The following DGKB variants were observed in gnomAD, a reference collection of about 807,000 sequenced individuals.
The protein encoded by DGKB is 90 kDa diacylglycerol kinase.
DGKB carries 67 observed loss-of-function variants against 114.3 expected under a neutral mutation model. The ratio of observed to expected loss-of-function variants is 0.59; its 90% CI spans 0.48 to 0.72. The LOEUF is 0.72. Among genes scored for constraint, DGKB ranks in the 30% least tolerant of loss-of-function variants. DGKB has a pLI of 0.00. For synonymous variants in DGKB, 398 were observed against 323.1 expected (o/e 1.23, Z -2.49); for missense variants, 907 against 975.2 (o/e 0.93, Z 0.93).
chr7:14,840,203 G>A (rs534885290), intron 2 of DGKB, among the ~76,000 whole-genome samples: 65 of 152,076 alleles, frequency 4.3e-4, no homozygotes, highest in African/African-American at 1.1e-3. Flanking sequence ...TTTTTACCTC[G>A]TTCACTATCA....
chr7:14,427,036 G>A (rs1461692957), intron 21 of DGKB, among the ~76,000 whole-genome samples: 1 of 151,948 alleles, frequency 6.6e-6, no homozygotes, highest in Non-Finnish European at 1.5e-5. Context: ...CTCCAGCCTG[G>A]GTGACAGAGT....
At chr7:14,313,431 C>G (rs553300414) in intron 23 of DGKB, among the ~76,000 whole-genome samples, 1 of 151,824 alleles carries the variant, frequency 6.6e-6, no homozygotes, top group Non-Finnish European at 1.5e-5. Flanking sequence ...GTGCGCGAGC[C>G]GAAGCAGGGC....
At chr7:14,832,439 C>T (rs1038567320) in intron 2 of DGKB, among the ~76,000 whole-genome samples, 5 of 151,942 alleles carry the variant, frequency 3.3e-5, no homozygotes, top group African/African-American at 1.2e-4. Context: ...ACTTTGTTTT[C>T]ATGGTGAAAT....
chr7:14,700,027 A>G (rs978929152), intron 7 of DGKB, among the ~76,000 whole-genome samples: 2 of 152,098 alleles, frequency 1.3e-5, no homozygotes, highest in African/African-American at 2.4e-5. Context: ...ACTCTCCTTG[A>G]AAATAGAATT....
At chr7:14,776,580 C>T (rs4721369) in intron 2 of DGKB, among the ~76,000 whole-genome samples, 33,213 of 152,240 alleles carry the variant, frequency 0.22, 4,682 homozygotes, top group Non-Finnish European at 0.31. Flanking sequence ...GGTGCAAGCC[C>T]GAAGCCTTGT....
chr7:14,889,058 T>C (rs184506729), intron 1 of DGKB, among the ~76,000 whole-genome samples: 150 of 151,796 alleles, frequency 9.9e-4, no homozygotes, highest in Admixed American at 1.6e-3. Flanking sequence ...CAAAAGACTC[T>C]ACGCTGGTCA....
At chr7:14,970,540 A>G (rs757975577) in intron 1 of DGKB, among the ~76,000 whole-genome samples, 5 of 152,170 alleles carry the variant, frequency 3.3e-5, no homozygotes, top group African/African-American at 7.2e-5. Flanking sequence ...TGAGTTGCTC[A>G]TAGGAAAAAT....
chr7:14,625,638 G>C (rs530909139), intron 14 of DGKB, among the ~76,000 whole-genome samples: 36 of 151,996 alleles, frequency 2.4e-4, no homozygotes, highest in African/African-American at 8.7e-4. Flanking sequence ...AAGTTTTGGG[G>C]CTCTAAACCA....
chr7:14,875,120 G>A (rs1351443211), intron 1 of DGKB, among the ~76,000 whole-genome samples: 1 of 151,944 alleles, frequency 6.6e-6, no homozygotes, highest in Admixed American at 6.6e-5. Flanking sequence ...GAAAGCCATA[G>A]GGAGAATACC....
At chr7:14,542,991 T>A (rs1793711747) in intron 20 of DGKB, among the ~76,000 whole-genome samples, 1 of 152,198 alleles carries the variant, frequency 6.6e-6, no homozygotes, top group African/African-American at 2.4e-5. Context: ...GATATGGATA[T>A]GTCAGTGTGT....
chr7:14,306,348 G>A (rs118032570), intron 23 of DGKB, among the ~76,000 whole-genome samples: 1 of 152,114 alleles, frequency 6.6e-6, no homozygotes. Flanking sequence ...AAGCAGGTAA[G>A]TTAGGAGAGG....
intron 23 of DGKB, among the ~76,000 whole-genome samples, chr7:14,296,813 G>C (rs1417773891): frequency 7.0e-6 from 1 of 143,384 alleles, no homozygotes; most frequent in East Asian, 2.0e-4. Context: ...CACTAGCCAG[G>C]CTAATAAAGA....
chr7:14,412,201 T>A (rs1246695726), intron 21 of DGKB, among the ~76,000 whole-genome samples: 1 of 152,174 alleles, frequency 6.6e-6, no homozygotes, highest in African/African-American at 2.4e-5. Flanking sequence ...GAATTGCTGC[T>A]ATAAAGCAGA....
At chr7:14,679,211 A>G (rs1585591172) in intron 12 of DGKB, among the ~76,000 whole-genome samples, 1 of 150,970 alleles carries the variant, frequency 6.6e-6, no homozygotes, top group African/African-American at 2.5e-5. Flanking sequence ...GTTTATGTGC[A>G]CCCAAATGTA....
intron 9 of DGKB, among the ~76,000 whole-genome samples, chr7:14,685,942 A>G (rs1821605809): frequency 6.6e-6 from 1 of 152,188 alleles, no homozygotes; most frequent in African/African-American, 2.4e-5. Context: ...ATTCCAATTT[A>G]TATTAATACA....
At chr7:14,399,696 C>T (rs969025494) in intron 21 of DGKB, among the ~76,000 whole-genome samples, 5 of 151,800 alleles carry the variant, frequency 3.3e-5, no homozygotes, top group African/African-American at 1.2e-4. Context: ...TTGAGAAAGA[C>T]TATGGGATGA....
intron 1 of DGKB, among the ~76,000 whole-genome samples, chr7:14,868,535 C>A (rs1852005340): frequency 6.6e-6 from 1 of 151,944 alleles, no homozygotes; most frequent in African/African-American, 2.4e-5. Context: ...GGGGTTTCAC[C>A]ATGTTGGCTA....
intron 21 of DGKB, among the ~76,000 whole-genome samples, chr7:14,444,131 C>T (rs1023992397): frequency 1.3e-5 from 2 of 151,708 alleles, no homozygotes; most frequent in African/African-American, 2.4e-5. Context: ...GTTTTGTAAA[C>T]AATAGTGAGA....
At chr7:14,555,096 T>C (rs1370809956) in intron 20 of DGKB, among the ~76,000 whole-genome samples, 3 of 152,320 alleles carry the variant, frequency 2.0e-5, no homozygotes, top group South Asian at 4.1e-4. Flanking sequence ...CTTCCATTTG[T>C]ATTTTTAATC....
Sources: allele counts gnomAD v4.1 joint callset (sites outside exome capture counted in the v4.1 genomes callset), GRCh38; gene constraint gnomAD v4.1.1; transcripts MANE v1.5; gene names NCBI Gene and HGNC (gene_info 2026-07-23, HGNC 2026-07-21).